EYS: variants seen among roughly 807,000 people sequenced by gnomAD.
EYS encodes the protein EGF-like photoreceptor maintenance factor, also known as protein eyes shut homolog.
A neutral mutation model predicts 282.1 loss-of-function variants in EYS; 250 were observed. That is an observed-to-expected ratio of 0.89 (90% confidence interval 0.80 to 0.98). The LOEUF (loss-of-function observed/expected upper bound fraction) is 0.98, where lower values mean the gene tolerates loss of function less well. Ranked by LOEUF, EYS falls within the 50% of genes least tolerant of loss-of-function variation. The pLI, the probability that EYS is intolerant of heterozygous loss-of-function variation, is 0.00. For missense variants in EYS, 4,016 were observed against 3,709.0 expected (o/e 1.08, Z -2.15); for synonymous variants, 1,355 against 1,282.9 (o/e 1.06, Z -1.20).
chr6:64,508,520 A>C (rs985337636), intron 26 of EYS, among the ~76,000 whole-genome samples: 1 of 150,526 alleles, frequency 6.6e-6, no homozygotes, highest in African/African-American at 2.4e-5. Context: ...TGATATCCGC[A>C]TGCCTGGCAT....
At chr6:65,413,798 G>A (rs995581441) in intron 5 of EYS, among the ~76,000 whole-genome samples, 1 of 152,054 alleles carries the variant, frequency 6.6e-6, no homozygotes, top group Non-Finnish European at 1.5e-5. Flanking sequence ...AGAGCTTGCA[G>A]TGAGCCGAGA....
chr6:65,134,912 A>G (rs1775980884), intron 12 of EYS, among the ~76,000 whole-genome samples: 1 of 152,094 alleles, frequency 6.6e-6, no homozygotes, highest in South Asian at 2.1e-4. Flanking sequence ...GCAACTGTCC[A>G]GACCTAGAAA....
At chr6:64,538,082 C>T (rs1023850639) in intron 26 of EYS, among the ~76,000 whole-genome samples, 16 of 152,108 alleles carry the variant, frequency 1.1e-4, no homozygotes, top group Middle Eastern at 3.4e-3. Flanking sequence ...AAAAATTGTT[C>T]GGGAAATTTT....
rs1290080695 is a variant in EYS, at chr6:63,864,099, A to G, written c.7228+87T>C. The G allele has an allele frequency of 1.3e-5, 16 of 1,231,292 alleles. No homozygotes were observed. The East Asian group carries it at 4.3e-4, about 33-fold the overall frequency. The allele number at this position is 1,231,292 out of a possible 1,614,324, so 76.3% of individuals were successfully genotyped here. ...AAGATTTGATGTATTTGATCAGTCA[A>G]GTGCTATCCTTGATTCATCTGAGTG... On this transcript the variant is annotated intron_variant, in intron 36 of 42. Transcript: ENST00000503581.
chr6:64,738,846 C>T (rs1459697402), intron 22 of EYS, among the ~76,000 whole-genome samples: 2 of 152,180 alleles, frequency 1.3e-5, no homozygotes, highest in African/African-American at 4.8e-5. Flanking sequence ...CAACCTCCGC[C>T]TCCCAGGTTC....
intron 12 of EYS, among the ~76,000 whole-genome samples, chr6:65,205,255 A>T (rs1036407055): frequency 4.6e-5 from 7 of 151,346 alleles, no homozygotes; most frequent in Non-Finnish European, 1.0e-4. Context: ...ATGACTAGCC[A>T]TTCTTATATT....
chr6:64,121,960 G>C (rs1256307558), intron 31 of EYS, among the ~76,000 whole-genome samples: 1 of 151,950 alleles, frequency 6.6e-6, no homozygotes, highest in Non-Finnish European at 1.5e-5. Flanking sequence ...TTTTTAATTT[G>C]AAATATTAAG....
intron 14 of EYS, among the ~76,000 whole-genome samples, chr6:64,987,668 A>G (rs1416801429): frequency 6.6e-6 from 1 of 151,414 alleles, no homozygotes; most frequent in African/African-American, 2.4e-5. Flanking sequence ...CTCCTTGTGA[A>G]ACTTGCTTCA....
chr6:63,995,115 A>G (rs1767775719), intron 34 of EYS, among the ~76,000 whole-genome samples: 1 of 152,004 alleles, frequency 6.6e-6, no homozygotes, highest in Non-Finnish European at 1.5e-5. Context: ...ATATTTTCAA[A>G]CCATATGTTT....
chr6:65,176,094 G>A (rs1423827627), intron 12 of EYS, among the ~76,000 whole-genome samples: 1 of 151,464 alleles, frequency 6.6e-6, no homozygotes, highest in African/African-American at 2.4e-5. Flanking sequence ...GTGTGAGAGA[G>A]AGCACTTATG....
At chr6:65,008,115 C>T (rs1262940179) in intron 13 of EYS, among the ~76,000 whole-genome samples, 1 of 152,118 alleles carries the variant, frequency 6.6e-6, no homozygotes, top group East Asian at 1.9e-4. Flanking sequence ...GAGATTGGTG[C>T]CACAAACATT....
chr6:64,521,551 C>T (rs1220060317), intron 26 of EYS, among the ~76,000 whole-genome samples: 2 of 151,750 alleles, frequency 1.3e-5, no homozygotes, highest in South Asian at 2.1e-4. Context: ...GCAAGAATTA[C>T]GGCTGCTCCT....
chr6:64,122,243 A>G (rs1157310419), intron 31 of EYS, among the ~76,000 whole-genome samples: 4 of 152,182 alleles, frequency 2.6e-5, no homozygotes, highest in African/African-American at 9.7e-5. Flanking sequence ...AGATTGGAAA[A>G]TACATTTTAA....
At chr6:64,211,384 TA>T in intron 31 of EYS, among the ~76,000 whole-genome samples, 1 of 152,208 alleles carries the variant, frequency 6.6e-6, no homozygotes, top group East Asian at 1.9e-4. Context: ...ATGTCAATAA[TA>T]TTGGTTCAAG....
chr6:65,096,770 T>A (rs569884477), intron 12 of EYS, among the ~76,000 whole-genome samples: 2 of 151,148 alleles, frequency 1.3e-5, no homozygotes, highest in East Asian at 3.9e-4. Flanking sequence ...CTTCAACAAA[T>A]GCTATTGAGA....
At chr6:64,548,602 C>T (rs1764959792) in intron 26 of EYS, among the ~76,000 whole-genome samples, 1 of 151,916 alleles carries the variant, frequency 6.6e-6, no homozygotes, top group Non-Finnish European at 1.5e-5. Context: ...ACCGCATGTT[C>T]TCACTCATAG....
intron 28 of EYS, among the ~76,000 whole-genome samples, chr6:64,426,056 A>T (rs1774399083): frequency 6.6e-6 from 1 of 152,214 alleles, no homozygotes; most frequent in Non-Finnish European, 1.5e-5. Context: ...AGGCATAAAA[A>T]GAGAAAAAAT....
At chr6:64,677,967 G>T (rs939869659) in intron 22 of EYS, among the ~76,000 whole-genome samples, 1 of 151,708 alleles carries the variant, frequency 6.6e-6, no homozygotes, top group East Asian at 1.9e-4. Flanking sequence ...TGAAGTAATA[G>T]TAATTTTCAA....
chr6:64,570,628 C>T (rs1455822847), intron 26 of EYS, among the ~76,000 whole-genome samples: 3 of 152,104 alleles, frequency 2.0e-5, no homozygotes, highest in African/African-American at 7.2e-5. Flanking sequence ...GCAGGGATTG[C>T]AATCCTAATC....
Sources: gnomAD v4.1 joint callset for allele counts (sites outside exome capture counted in the v4.1 genomes callset) on GRCh38, gnomAD v4.1.1 for gene constraint, MANE v1.5 for transcripts, NCBI Gene and HGNC (gene_info 2026-07-23, HGNC 2026-07-21) for gene names.